The following SAMD3 variants were observed in gnomAD, a reference collection of about 807,000 sequenced individuals.
SAMD3 encodes sterile alpha motif domain containing 3, also known as sterile alpha motif domain-containing protein 3.
Under a neutral mutation model 58.5 loss-of-function variants are expected in SAMD3, and 63 were observed. The observed-to-expected ratio is 1.08, with a 90% CI of 0.88 to 1.33. The LOEUF is 1.33. Ranked by LOEUF, SAMD3 falls within the 40% of genes most tolerant of loss-of-function variation. The probability of loss-of-function intolerance (pLI) is 0.00; values close to 1 mark genes in which losing one functional copy is unlikely to be tolerated. For missense variants in SAMD3, 604 were observed against 608.4 expected (o/e 0.99, Z 0.08); for synonymous variants, 220 against 210.3 (o/e 1.05, Z -0.40).
At chr6:130,196,616 T>A (rs1263489106) in intron 5 of SAMD3, among the ~76,000 whole-genome samples, 1 of 152,236 alleles carries the variant, frequency 6.6e-6, no homozygotes, top group Non-Finnish European at 1.5e-5. Flanking sequence ...CTTTCCATCG[T>A]GGAAATCTAT....
intron 7 of SAMD3, among the ~76,000 whole-genome samples, chr6:130,177,716 T>TATCTCTTTTCCC (rs1791862658): frequency 6.6e-6 from 1 of 152,218 alleles, no homozygotes; most frequent in African/African-American, 2.4e-5. Flanking sequence ...TTTCTTTTCC[T>TATCTCTTTTCCC]TTCTCTTTTC....
At chr6:130,335,073 G>C (rs2115016926) in intron 1 of SAMD3, among the ~76,000 whole-genome samples, 1 of 152,280 alleles carries the variant, frequency 6.6e-6, no homozygotes, top group South Asian at 2.1e-4. Flanking sequence ...GCAGCAAAGG[G>C]TTAGGCTCCC....
chr6:130,150,400 G>C (rs143886002), intron 9 of SAMD3, among the ~76,000 whole-genome samples: 39 of 152,302 alleles, frequency 2.6e-4, no homozygotes, highest in Middle Eastern at 3.4e-3. Context: ...GGAACCAAGA[G>C]TTGGAAATGG....
chr6:130,216,239 T>C (rs1795997487), intron 2 of SAMD3, among the ~76,000 whole-genome samples: 1 of 151,946 alleles, frequency 6.6e-6, no homozygotes, highest in African/African-American at 2.4e-5. Flanking sequence ...TCTGATGGAC[T>C]TGGAGAGGGG....
chr6:130,162,827 G>C (rs1455244311), intron 8 of SAMD3, among the ~76,000 whole-genome samples: 1 of 152,092 alleles, frequency 6.6e-6, no homozygotes, highest in African/African-American at 2.4e-5. Context: ...TTACCCAAGG[G>C]GTGTATTTGT....
Position 130,264,842 on chromosome 6 carries a change from A to G in SAMD3, c.-187-42029T>C, listed in dbSNP as rs150562723. 4.9e-3 allele frequency among the ~76,000 whole-genome samples: 733 copies of G among 150,992 alleles called. 9 individuals are homozygous for G. Among genetic ancestry groups the G allele is most frequent in the African/African-American group, 0.015 (617 of 40,950 alleles). On this transcript the variant is annotated intron_variant, in intron 2 of 13. Coordinates refer to the SAMD3 transcript ENST00000368134. ...TACCTGACCTGACAAAACCCTTTAT[A>G]CCCTATGTGTCAGAAAAAAAAAAAA...
upstream of SAMD3, chr6:130,365,477 AC>A: frequency 1.0e-6 from 1 of 984,832 alleles, no homozygotes; most frequent in Non-Finnish European, 1.2e-6. Context: ...CGCCAGGGGG[AC>A]CCCGGCCCGC....
intron 1 of SAMD3, among the ~76,000 whole-genome samples, chr6:130,328,021 A>G (rs1289011501): frequency 1.3e-5 from 2 of 152,192 alleles, no homozygotes; most frequent in African/African-American, 2.4e-5. Context: ...CTCTCTAGAT[A>G]TGGTCCATTC....
intron 9 of SAMD3, among the ~76,000 whole-genome samples, chr6:130,151,257 C>T (rs542296434): frequency 9.2e-5 from 1 of 10,902 alleles, no homozygotes; most frequent in South Asian, 0.022. Flanking sequence ...TGAGGCACAT[C>T]TTATGTCTTT....
At chr6:130,350,365 T>G (rs538643811) in intron 1 of SAMD3, among the ~76,000 whole-genome samples, 6 of 152,250 alleles carry the variant, frequency 3.9e-5, no homozygotes, top group Non-Finnish European at 7.4e-5. Context: ...ATAAGCAACT[T>G]CAGCAAAGTC....
intron 2 of SAMD3, among the ~76,000 whole-genome samples, chr6:130,249,911 C>T (rs1417067322): frequency 6.6e-6 from 1 of 152,190 alleles, no homozygotes. Flanking sequence ...CTGAGACCCA[C>T]ACGCTCTGAG....
chr6:130,354,265 G>A (rs917419831), intron 1 of SAMD3, among the ~76,000 whole-genome samples: 3 of 152,206 alleles, frequency 2.0e-5, no homozygotes, highest in African/African-American at 4.8e-5. Flanking sequence ...AAGAAGTGTG[G>A]TAATTCCTTA....
intron 2 of SAMD3, among the ~76,000 whole-genome samples, chr6:130,266,290 C>T (rs2114929933): frequency 6.6e-6 from 1 of 152,250 alleles, no homozygotes; most frequent in Admixed American, 6.5e-5. Context: ...AGCCCAGTCT[C>T]TCAATGTCAC....
chr6:130,193,575 G>A (rs1470401103), intron 5 of SAMD3, among the ~76,000 whole-genome samples: 1 of 151,836 alleles, frequency 6.6e-6, no homozygotes, highest in African/African-American at 2.4e-5. Context: ...CTCTGGGCTT[G>A]CCTCCTTCAC....
chr6:130,203,537 ATG>A (rs1218453045), intron 5 of SAMD3, among the ~76,000 whole-genome samples: 2 of 152,198 alleles, frequency 1.3e-5, no homozygotes, highest in Non-Finnish European at 2.9e-5. Flanking sequence ...ATGAGTGACA[ATG>A]GATCTCAAGA....
chr6:130,247,857 T>G (rs534277021), intron 2 of SAMD3, among the ~76,000 whole-genome samples: 1 of 152,252 alleles, frequency 6.6e-6, no homozygotes, highest in Non-Finnish European at 1.5e-5. Context: ...AAGTTTTAAC[T>G]GTTGCATCCA....
intron 2 of SAMD3, among the ~76,000 whole-genome samples, chr6:130,287,253 A>T (rs536300213): frequency 6.6e-6 from 1 of 152,224 alleles, no homozygotes; most frequent in African/African-American, 2.4e-5. Context: ...CTTGTTGCTT[A>T]TAACAATCAC....
chr6:130,178,521 C>T (rs956775128), intron 7 of SAMD3, among the ~76,000 whole-genome samples: 1 of 152,104 alleles, frequency 6.6e-6, no homozygotes. Context: ...GGAATGACAC[C>T]AAAATAACAT....
chr6:130,156,336 A>C (rs149629908), intron 8 of SAMD3, among the ~76,000 whole-genome samples: 1 of 152,144 alleles, frequency 6.6e-6, no homozygotes, highest in African/African-American at 2.4e-5. Context: ...AAAAAAAGAA[A>C]AGAAAAAAAA....
Sources: gnomAD v4.1 joint callset for allele counts (sites outside exome capture counted in the v4.1 genomes callset) on GRCh38, gnomAD v4.1.1 for gene constraint, MANE v1.5 for transcripts, NCBI Gene and HGNC (gene_info 2026-07-23, HGNC 2026-07-21) for gene names.